Variants in TCERG1L observed in about 807,000 individuals in gnomAD.
TCERG1L encodes transcription elongation regulator 1 like, also known as transcription elongation regulator 1-like protein.
In TCERG1L, 37 loss-of-function variants were observed where a neutral mutation model predicts 56.3. That is an observed-to-expected ratio of 0.66 (90% CI 0.51 to 0.87). TCERG1L has a LOEUF of 0.87. TCERG1L is among the 40% of genes least tolerant of loss of function. The pLI, the probability that TCERG1L is intolerant of heterozygous loss-of-function variation, is 0.00. For synonymous variants in TCERG1L, 324 were observed against 326.3 expected, an observed-to-expected ratio of 0.99 and a Z score of 0.08; for missense variants, 799 against 774.2, an observed-to-expected ratio of 1.03 and a Z score of -0.38.
intron 4 of TCERG1L, among the ~76,000 whole-genome samples, chr10:131,248,625 A>G (rs1312044232): frequency 6.6e-6 from 1 of 152,156 alleles, no homozygotes; most frequent in Admixed American, 6.5e-5. Context: ...ATCTTAGCCT[A>G]GTTCGGGACA....
At chr10:131,300,794 G>C (rs904947828) in intron 3 of TCERG1L, among the ~76,000 whole-genome samples, 1 of 150,706 alleles carries the variant, frequency 6.6e-6, no homozygotes, top group Non-Finnish European at 1.5e-5. Context: ...TAAGTGCTAG[G>C]CATCATAAAT....
At chr10:131,249,781 G>C (rs1257543362) in intron 4 of TCERG1L, among the ~76,000 whole-genome samples, 10 of 152,152 alleles carry the variant, frequency 6.6e-5, no homozygotes, top group Admixed American at 6.5e-4. Flanking sequence ...TTACTGGCTT[G>C]CTTAACCTGA....
intron 3 of TCERG1L, among the ~76,000 whole-genome samples, chr10:131,277,154 G>A (rs1042468211): frequency 6.6e-6 from 1 of 152,164 alleles, no homozygotes; most frequent in African/African-American, 2.4e-5. Context: ...GTGAGGAAGA[G>A]CAGAGACCGG....
intron 4 of TCERG1L, among the ~76,000 whole-genome samples, chr10:131,180,002 C>T (rs1845153029): frequency 6.6e-6 from 1 of 152,150 alleles, no homozygotes; most frequent in Non-Finnish European, 1.5e-5. Context: ...AAGCATTGCC[C>T]TGCTCTGAGC....
rs569190238 is a variant in TCERG1L at position 131,291,490 on chromosome 10, G to A, written c.670+16721C>T. ...CTCCCAGGTTGGAGTGCAGTGGCGT[G>A]ATCTCGGCTCACTGCAAGCTCCGCC... On this transcript the variant is annotated intron_variant, in intron 3 of 11. Transcript: ENST00000368642. 2.9e-3 allele frequency among the ~76,000 whole-genome samples: 357 copies of A among 124,782 alleles called. 1 individual carries two copies. Among genetic ancestry groups the A allele is most frequent in the Non-Finnish European group, 4.2e-3 (269 of 63,746 alleles). 81.9% of individuals were successfully genotyped at this position (124,782 alleles called of 152,430 possible).
chr10:131,225,135 C>T (rs964191391), intron 4 of TCERG1L, among the ~76,000 whole-genome samples: 1 of 152,170 alleles, frequency 6.6e-6, no homozygotes, highest in Non-Finnish European at 1.5e-5. Flanking sequence ...ACTCCCACCC[C>T]GTGGCAGAGC....
At position 131,104,329 on chromosome 10, in the gene TCERG1L, T is replaced by C. The variant is rs762126091; in HGVS notation, c.1421A>G (p.Lys474Arg). The change falls in exon 10 of 12, where the codon AAA (lysine) becomes AGA (arginine). Residue 474 changes from lysine (K) to arginine (R), a missense_variant. Transcript: ENST00000368642. ...GTCAAACACGATTTTGTGTAATTCT[T>C]TCTCCCAGGTAGAAAATGCTGATAC... ...RGVSAFSTWE[K>R]ELHKIVFDPR... 9.7e-5 allele frequency: 151 copies of C among 1,548,894 alleles called. No individual in the cohort carries two copies. Among genetic ancestry groups the C allele is most frequent in the Middle Eastern group, 1.7e-4 (1 of 6,004 alleles).
chr10:131,202,450 C>A (rs190834710), intron 4 of TCERG1L, among the ~76,000 whole-genome samples: 2 of 152,086 alleles, frequency 1.3e-5, no homozygotes, highest in Non-Finnish European at 2.9e-5. Flanking sequence ...GGCGTGGTGG[C>A]GAGTGCCTGT....
At chr10:131,302,506 C>T (rs1251678154) in intron 3 of TCERG1L, among the ~76,000 whole-genome samples, 2 of 151,982 alleles carry the variant, frequency 1.3e-5, no homozygotes, top group Non-Finnish European at 2.9e-5. Flanking sequence ...TTTGCCATAC[C>T]TTGAAACGGC....
intron 7 of TCERG1L, among the ~76,000 whole-genome samples, chr10:131,137,904 G>C (rs1845693444): frequency 6.6e-6 from 1 of 152,150 alleles, no homozygotes; most frequent in South Asian, 2.1e-4. Flanking sequence ...AAGCTGTAGG[G>C]GGATTAGAAG....
At chr10:131,205,683 A>G (rs902555435) in intron 4 of TCERG1L, among the ~76,000 whole-genome samples, 1 of 152,186 alleles carries the variant, frequency 6.6e-6, no homozygotes, top group African/African-American at 2.4e-5. Context: ...GGCATCTCTG[A>G]CTGCCACTTC....
intron 3 of TCERG1L, among the ~76,000 whole-genome samples, chr10:131,286,670 A>G (rs1188304589): frequency 6.6e-6 from 1 of 152,242 alleles, no homozygotes; most frequent in Non-Finnish European, 1.5e-5. Context: ...TCCTTTAGCT[A>G]TTCTCATAAG....
intron 7 of TCERG1L, among the ~76,000 whole-genome samples, chr10:131,135,036 G>A (rs950150714): frequency 1.1e-4 from 17 of 152,228 alleles, no homozygotes; most frequent in South Asian, 4.1e-4. Context: ...CCCTGAAAAC[G>A]TTTGATGAAC....
At chr10:131,215,210 A>G (rs547941665) in intron 4 of TCERG1L, among the ~76,000 whole-genome samples, 1 of 152,330 alleles carries the variant, frequency 6.6e-6, no homozygotes, top group East Asian at 1.9e-4. Context: ...TAAGTTATCC[A>G]AGGCTCACCC....
At chr10:131,148,818 C>T (rs1198874490) in intron 6 of TCERG1L, among the ~76,000 whole-genome samples, 2 of 152,150 alleles carry the variant, frequency 1.3e-5, no homozygotes, top group Non-Finnish European at 1.5e-5. Context: ...TGTCAGACTT[C>T]TGATCCTCCC....
chr10:131,221,750 A>G (rs1845734702), intron 4 of TCERG1L, among the ~76,000 whole-genome samples: 1 of 152,202 alleles, frequency 6.6e-6, no homozygotes, highest in South Asian at 2.1e-4. Flanking sequence ...GCACGTCGTA[A>G]TCACACGGAG....
chr10:131,135,785 A>C (rs2133405548), intron 7 of TCERG1L, among the ~76,000 whole-genome samples: 1 of 152,338 alleles, frequency 6.6e-6, no homozygotes, highest in South Asian at 2.1e-4. Flanking sequence ...AGTATCCATC[A>C]TGCACACCCT....
rs1299813960 is a variant in TCERG1L, at chr10:131,118,058, T to C, written c.1260-1124A>G. ...GCGCTGGGTTGGCGCACCCTCACTC[T>C]GACCATGCTGAGCCCTCGTGGGCCT... On this transcript the variant is annotated intron_variant, in intron 8 of 11. Transcript: ENST00000368642. The surrounding 1 kb of genome is among the most constrained non-coding windows in gnomAD (Gnocchi z 4.2). 6.6e-6 allele frequency among the ~76,000 whole-genome samples: 1 copy of C among 152,124 alleles called. No homozygotes were observed. Among genetic ancestry groups the C allele is most frequent in the Non-Finnish European group, 1.5e-5 (1 of 68,012 alleles).
intron 3 of TCERG1L, among the ~76,000 whole-genome samples, chr10:131,301,611 G>A (rs572162431): frequency 2.0e-5 from 3 of 151,956 alleles, no homozygotes; most frequent in East Asian, 1.9e-4. Context: ...AAGTAATTGT[G>A]TTTCAATGAT....
Sources: allele counts gnomAD v4.1 joint callset (sites outside exome capture counted in the v4.1 genomes callset), GRCh38; gene constraint gnomAD v4.1.1; non-coding constraint Gnocchi (gnomAD v3.1); transcripts MANE v1.5; gene names NCBI Gene and HGNC (gene_info 2026-07-23, HGNC 2026-07-21).